Variants in ANKRD44 observed in about 807,000 individuals in gnomAD.
The protein encoded by ANKRD44 is serine/threonine-protein phosphatase 6 regulatory ankyrin repeat subunit B.
ANKRD44 carries 35 observed loss-of-function variants against 116.0 expected under a neutral mutation model. That is an observed-to-expected ratio of 0.30 (90% CI 0.23 to 0.40). ANKRD44 has a LOEUF of 0.40. Ranked by LOEUF, ANKRD44 falls within the 10% of genes least tolerant of loss-of-function variation. ANKRD44 has a pLI of 1.00. For synonymous variants in ANKRD44, 435 were observed against 461.8 expected (o/e 0.94, Z 0.74); for missense variants, 1,014 against 1,242.6 (o/e 0.82, Z 2.77).
At chr2:197,310,191 C>T (rs541039536) in intron 1 of ANKRD44, among the ~76,000 whole-genome samples, 3 of 152,106 alleles carry the variant, frequency 2.0e-5, no homozygotes, top group Non-Finnish European at 2.9e-5. Context: ...TCTCCCTCTT[C>T]GTGCAGCGTC....
In ANKRD44 at chr2:196,999,020, T is replaced by C; in HGVS notation, c.2552A>G (p.His851Arg). The C allele has an allele frequency of 6.2e-7, 1 of 1,614,208 alleles. No individual in the cohort carries two copies. The highest frequency in any genetic ancestry group is 8.5e-7 in the Non-Finnish European group (1 of 1,180,034). ...TPLHAAAFAD[H>R]VECLQLLLRH... ...CAGAAGAAGCTGCAAGCACTCCACATGATCAGCAAATGCTGCCGCATGAAG... is the reference window on the plus strand; with the variant it reads ...CAGAAGAAGCTGCAAGCACTCCACACGATCAGCAAATGCTGCCGCATGAAG... Residue 851 changes from histidine to arginine, a missense_variant, in exon 24 of 28, where the codon CAT becomes CGT. Transcript: ENST00000282272.
intron 3 of ANKRD44, among the ~76,000 whole-genome samples, chr2:197,139,127 A>T (rs1420778302): frequency 8.5e-5 from 13 of 152,174 alleles, no homozygotes; most frequent in Non-Finnish European, 4.4e-5. Context: ...ATGTGGCATT[A>T]TCTAGTAAAA....
At chr2:197,140,332 A>T (rs563944954) in intron 3 of ANKRD44, among the ~76,000 whole-genome samples, 1 of 151,494 alleles carries the variant, frequency 6.6e-6, no homozygotes, top group East Asian at 2.0e-4. Context: ...TATTGTTTAA[A>T]TTTTTTAGAG....
chr2:197,072,986 C>T (rs745884891), intron 16 of ANKRD44, among the ~76,000 whole-genome samples: 1 of 152,194 alleles, frequency 6.6e-6, no homozygotes, highest in Non-Finnish European at 1.5e-5. Flanking sequence ...TCCAGTATGA[C>T]AATCACAGAC....
At chr2:197,114,525 A>C (rs1284129444) in intron 8 of ANKRD44, among the ~76,000 whole-genome samples, 1 of 152,196 alleles carries the variant, frequency 6.6e-6, no homozygotes, top group Non-Finnish European at 1.5e-5. Context: ...AGCAGTGTTT[A>C]TATTTTCTTG....
intron 16 of ANKRD44, among the ~76,000 whole-genome samples, chr2:197,049,826 A>T (rs1288754843): frequency 6.6e-6 from 1 of 152,168 alleles, no homozygotes; most frequent in Admixed American, 6.5e-5. Flanking sequence ...AATTAAAGGA[A>T]GAAAGAAGAT....
chr2:197,091,806 C>T (rs2078048768), intron 10 of ANKRD44, among the ~76,000 whole-genome samples: 1 of 152,194 alleles, frequency 6.6e-6, no homozygotes, highest in Admixed American at 6.5e-5. Context: ...GATCAAACTT[C>T]ATCTTCCTAA....
At chr2:197,152,403 C>T (rs1159943408) in intron 2 of ANKRD44, among the ~76,000 whole-genome samples, 1 of 152,112 alleles carries the variant, frequency 6.6e-6, no homozygotes, top group African/African-American at 2.4e-5. Context: ...TTTTTCATCA[C>T]CCAGTAGCTC....
At position 197,122,659 on chromosome 2, in the gene ANKRD44, C is replaced by T; in HGVS notation, c.684G>A (p.Leu228=). The change falls in exon 7 of 28, where the codon CTG becomes CTA. Residue 228 remains leucine (L), a synonymous_variant. Transcript: ENST00000282272. ...ATTCATCATAGCTCACCTCCACCCC[C>T]AGGTTCAGGAGATGCTTGACAACAT... ...QINVVKHLLN[L]GVEIDEINVY... 6.2e-7 allele frequency: 1 copy of T among 1,613,860 alleles called. No homozygotes were observed.
In ANKRD44 at chr2:197,310,679, A is replaced by T; in HGVS notation, c.-75T>A. The stretch of plus-strand genomic sequence containing the variant: ...GTCACGCCGGGAGCCGGGGAAGCGG[A>T]AGGGATTGCCAGGAGAAGGGAAAAA... On this transcript the variant is annotated 5_prime_UTR_variant, in exon 1 of 28. Coordinates refer to ENST00000282272, the MANE Select transcript of ANKRD44 (RefSeq NM_001195144.2). 7.8e-7 allele frequency: 1 copy of T among 1,281,802 alleles called. No homozygotes were observed. Among genetic ancestry groups the T allele is most frequent in the Non-Finnish European group, 1.0e-6 (1 of 989,740 alleles). 79.4% of individuals were successfully genotyped at this position (1,281,802 alleles called of 1,614,324 possible).
At chr2:197,240,590 C>T (rs534516867) in intron 1 of ANKRD44, among the ~76,000 whole-genome samples, 2 of 151,008 alleles carry the variant, frequency 1.3e-5, no homozygotes, top group South Asian at 4.2e-4. Context: ...CACAAAATTG[C>T]TAGAGATGCT....
intron 16 of ANKRD44, among the ~76,000 whole-genome samples, chr2:197,037,654 G>A (rs2076832760): frequency 6.6e-6 from 1 of 152,160 alleles, no homozygotes; most frequent in East Asian, 1.9e-4. Context: ...AAAACAATCT[G>A]AAGCTGGATG....
At chr2:197,062,098 T>C (rs2077328762) in intron 16 of ANKRD44, among the ~76,000 whole-genome samples, 1 of 152,226 alleles carries the variant, frequency 6.6e-6, no homozygotes, top group Non-Finnish European at 1.5e-5. Context: ...ATATTATTTC[T>C]GTGTCAGCCA....
At chr2:197,183,350 A>G (rs1242778500) in intron 2 of ANKRD44, among the ~76,000 whole-genome samples, 2 of 152,132 alleles carry the variant, frequency 1.3e-5, no homozygotes, top group Admixed American at 6.5e-5. Context: ...GAAGACAAAT[A>G]TGGCCTTCCA....
At chr2:197,142,642 A>C (rs531540117) in intron 3 of ANKRD44, among the ~76,000 whole-genome samples, 93 of 152,334 alleles carry the variant, frequency 6.1e-4, no homozygotes, top group African/African-American at 2.2e-3. Flanking sequence ...TTTGTAGGCC[A>C]AAATCAGCAT....
In ANKRD44 at chr2:197,136,745, C is replaced by G. The variant is rs1307091950; in HGVS notation, c.191-83G>C. On this transcript the variant is annotated intron_variant, in intron 3 of 27. Transcript: ENST00000282272. ...GTTAAATCAAATGCTGTATCTTGCT[C>G]CCATTTGCCTGACATAACCACCACC... 1.0e-5 allele frequency: 12 copies of G among 1,199,766 alleles called. No individual in the cohort carries two copies. In the South Asian group the frequency reaches 1.2e-4, roughly 12 times the overall value. 74.3% of individuals were successfully genotyped at this position (1,199,766 alleles called of 1,614,324 possible).
intron 1 of ANKRD44, among the ~76,000 whole-genome samples, chr2:197,220,878 T>C (rs1271271739): frequency 6.6e-6 from 1 of 152,190 alleles, no homozygotes; most frequent in Admixed American, 6.5e-5. Flanking sequence ...TCATGTTATA[T>C]AATGTCAAAG....
chr2:197,079,985 T>C (rs1225454134), intron 15 of ANKRD44, among the ~76,000 whole-genome samples: 1 of 152,210 alleles, frequency 6.6e-6, no homozygotes, highest in Non-Finnish European at 1.5e-5. Context: ...CTTGCTATTA[T>C]TCTCTCTTCG....
chr2:197,042,021 A>G (rs2076919950), intron 16 of ANKRD44, among the ~76,000 whole-genome samples: 1 of 152,000 alleles, frequency 6.6e-6, no homozygotes, highest in African/African-American at 2.4e-5. Context: ...AAAAAAAAAC[A>G]TAAGAAAAAT....
Sources: gnomAD v4.1 joint callset for allele counts (sites outside exome capture counted in the v4.1 genomes callset) on GRCh38, gnomAD v4.1.1 for gene constraint, MANE v1.5 for transcripts, NCBI Gene and HGNC (gene_info 2026-07-23, HGNC 2026-07-21) for gene names.